RHBDD1: variants seen among roughly 807,000 people sequenced by gnomAD.
RHBDD1 encodes the protein rhomboid domain containing 1, also known as rhomboid-related protein 4.
In RHBDD1, 38 loss-of-function variants were observed where a neutral mutation model predicts 36.3. The observed-to-expected ratio is 1.05, with a 90% CI of 0.81 to 1.37. The LOEUF (loss-of-function observed/expected upper bound fraction) is 1.37, where lower values mean the gene tolerates loss of function less well. RHBDD1 is among the 40% of genes most tolerant of loss of function. The pLI, the probability that RHBDD1 is intolerant of heterozygous loss-of-function variation, is 0.00. For missense variants in RHBDD1, 393 were observed against 377.6 expected (o/e 1.04, Z -0.34); for synonymous variants, 151 against 136.5 (o/e 1.11, Z -0.74).
chr2:226,914,131 T>C (rs1948724260), intron 7 of RHBDD1, 77 bp from the exon 8 acceptor site: 2 of 1,326,722 alleles, frequency 1.5e-6, no homozygotes, highest in Admixed American at 2.0e-5. Context: ...TACTCGCTTG[T>C]CTTTGCTTAT....
At chr2:226,848,121 A>AT (rs540240936) in intron 3 of RHBDD1, among the ~76,000 whole-genome samples, 10 of 151,746 alleles carry the variant, frequency 6.6e-5, no homozygotes, top group Non-Finnish European at 1.0e-4. Flanking sequence ...TTTAAAACGG[A>AT]TTTTTTTTTA....
chr2:226,864,039 G>A (rs1392919723), intron 3 of RHBDD1, among the ~76,000 whole-genome samples: 3 of 152,158 alleles, frequency 2.0e-5, no homozygotes, highest in Admixed American at 6.5e-5. Context: ...GATTTGGCTT[G>A]TAGAGTAGGT....
Position 226,838,978 on chromosome 2 carries a change from A to T in RHBDD1, c.-309-431A>T, listed in dbSNP as rs151251219. On this transcript the variant is annotated intron_variant, in intron 2 of 8. Transcript: ENST00000392062. The stretch of plus-strand genomic sequence containing the variant: ...CTAGAGAAGGGGACACTGTTACAGG[A>T]AATGAGACCTCGTTGAAGGTATGCA... 2.2e-3 allele frequency among the ~76,000 whole-genome samples: 336 copies of T among 152,336 alleles called. 2 individuals are homozygous for T. Among genetic ancestry groups the T allele is most frequent in the African/African-American group, 7.6e-3 (314 of 41,582 alleles).
rs746795621 is a variant in RHBDD1 at position 226,864,848 on chromosome 2, C to A, written c.155C>A (p.Ser52Tyr). 1.6e-5 allele frequency: 26 copies of A among 1,614,122 alleles called. No homozygotes were observed. The highest frequency in any genetic ancestry group is 8.5e-7 in the Non-Finnish European group (1 of 1,180,052). Residue 52 changes from serine to tyrosine, a missense_variant, in exon 4 of 9, where the codon TCC (serine) becomes TAC (tyrosine). By Grantham distance (144) the Ser-to-Tyr change is moderately radical (BLOSUM62 -2). Transcript: ENST00000392062. ...AACCCTCAGAAGCCACTGTATAGCTCCTGCCTTAGTGTGGAGAAGTGTTAC... is the reference window on the plus strand; with the variant it reads ...AACCCTCAGAAGCCACTGTATAGCTACTGCCTTAGTGTGGAGAAGTGTTAC... Reference protein sequence around the residue: ...FLNPQKPLYSSCLSVEKCYQQ... With the variant: ...FLNPQKPLYSYCLSVEKCYQQ...
At chr2:226,909,761 G>T (rs970278616) in intron 7 of RHBDD1, among the ~76,000 whole-genome samples, 5 of 152,078 alleles carry the variant, frequency 3.3e-5, no homozygotes, top group Admixed American at 3.3e-4. Flanking sequence ...CACTGGCATC[G>T]CAAGCTTCCA....
rs1201335335 is a variant in RHBDD1, at chr2:226,836,104, G to A, written c.-392+17G>A. On this transcript the variant is annotated intron_variant, in intron 1 of 8. Coordinates refer to ENST00000392062, the MANE Select transcript of RHBDD1 (RefSeq NM_001167608.3). ...GTAGAGAGCGTGAGTTTCCGCGTCTGTTTGGTCCGGCTGCTGTCGTTGGTT... is the reference window on the plus strand; with the variant it reads ...GTAGAGAGCGTGAGTTTCCGCGTCTATTTGGTCCGGCTGCTGTCGTTGGTT... 1 of 152,790 alleles carries A rather than the reference G, an allele frequency of 6.5e-6. No homozygotes were observed. Among genetic ancestry groups the A allele is most frequent in the African/African-American group, 2.4e-5 (1 of 41,466 alleles). The allele number at this position is 152,790 out of a possible 1,614,324, so 9.5% of individuals were successfully genotyped here.
At chr2:226,887,127 G>A (rs1946291214) in intron 5 of RHBDD1, among the ~76,000 whole-genome samples, 1 of 152,074 alleles carries the variant, frequency 6.6e-6, no homozygotes, top group Admixed American at 6.5e-5. Flanking sequence ...GTATATTTTG[G>A]GAGAGAATAA....
At chr2:226,846,747 CAAAAAAAAAA>C (rs11366796) in intron 3 of RHBDD1, among the ~76,000 whole-genome samples, 1 of 70,114 alleles carries the variant, frequency 1.4e-5, no homozygotes, top group Non-Finnish European at 3.4e-5. Context: ...AATGCCATCT[CAAAAAAAAAA>C]AAAAAAAAGG....
chr2:226,858,633 A>G (rs1559201058), intron 3 of RHBDD1, among the ~76,000 whole-genome samples: 1 of 152,200 alleles, frequency 6.6e-6, no homozygotes, highest in African/African-American at 2.4e-5. Context: ...AGAATTGAAA[A>G]TCACTGAAAT....
At chr2:226,817,486 C>G in the RHBDD1 span, among the ~76,000 whole-genome samples, 2 of 152,146 alleles carry the variant, frequency 1.3e-5, no homozygotes, top group African/African-American at 4.8e-5. Context: ...AAGGCATTAG[C>G]TAAATGAAAA....
intron 5 of RHBDD1, chr2:226,895,694 A>G: frequency 1.0e-6 from 1 of 985,452 alleles, no homozygotes; most frequent in Non-Finnish European, 1.2e-6. Context: ...CAGATCCTAA[A>G]GAAGCTTAGT....
chr2:226,906,810 A>G lies in RHBDD1; in HGVS notation c.584A>G (p.His195Arg), dbSNP rs1425733405. Reference protein sequence around the residue: ...LFSPGTSFAGHLAGILVGLMY... With the variant: ...LFSPGTSFAGRLAGILVGLMY... ...CCTCCTAGGACTTCCTTCGCTGGGC[A>G]TCTGGCTGGGATTCTTGTTGGACTA... The change falls in exon 6 of 9, where the codon CAT becomes CGT. Residue 195 changes from histidine to arginine, a missense_variant. Transcript: ENST00000392062. 3.1e-6 allele frequency: 5 copies of G among 1,614,154 alleles called. No individual in the cohort carries two copies. Among genetic ancestry groups the G allele is most frequent in the South Asian group, 1.1e-5 (1 of 91,084 alleles).
At chr2:226,972,113 G>C (rs552995854) in intron 8 of RHBDD1, among the ~76,000 whole-genome samples, 3 of 152,052 alleles carry the variant, frequency 2.0e-5, no homozygotes, top group African/African-American at 7.2e-5. Context: ...GGTGTGTGCT[G>C]TTCCACTCCC....
rs1045200540 is a variant in RHBDD1, at chr2:226,836,098, G to C, written c.-392+11G>C. On this transcript the variant is annotated intron_variant, in intron 1 of 8. Transcript: ENST00000392062. ...CGGGTCGTAGAGAGCGTGAGTTTCC[G>C]CGTCTGTTTGGTCCGGCTGCTGTCG... The C allele has an allele frequency of 6.5e-6, 1 of 152,724 alleles. No individual in the cohort carries two copies. Among genetic ancestry groups the C allele is most frequent in the African/African-American group, 2.4e-5 (1 of 41,470 alleles). The allele number at this position is 152,724 out of a possible 1,614,324, so 9.5% of individuals were successfully genotyped here.
At chr2:226,968,886 C>T (rs1952904149) in intron 8 of RHBDD1, 1 of 152,236 alleles carries the variant, frequency 6.6e-6, no homozygotes, top group Non-Finnish European at 1.5e-5. Flanking sequence ...CAGTACTTGT[C>T]ATAACTGTCC....
chr2:226,907,923 G>A (rs1005879669), intron 6 of RHBDD1, among the ~76,000 whole-genome samples: 3 of 152,036 alleles, frequency 2.0e-5, no homozygotes, highest in South Asian at 2.1e-4. Flanking sequence ...GATGATTCTC[G>A]GGAGTTTAAT....
chr2:226,853,962 C>T (rs1345125705), intron 3 of RHBDD1, among the ~76,000 whole-genome samples: 1 of 148,178 alleles, frequency 6.7e-6, no homozygotes, highest in African/African-American at 2.6e-5. Flanking sequence ...ACCCGCTAAT[C>T]GATAAGGTGG....
chr2:226,932,786 G>A lies in RHBDD1; in HGVS notation c.856+18435G>A, dbSNP rs116753181. Among the ~76,000 whole-genome samples, 925 of 151,988 alleles carry A rather than the reference G, an allele frequency of 6.1e-3. 7 individuals carry two copies. The highest frequency in any genetic ancestry group is 0.021 in the African/African-American group (865 of 41,460). On this transcript the variant is annotated intron_variant, in intron 8 of 8. Coordinates refer to ENST00000392062, the MANE Select transcript of RHBDD1 (RefSeq NM_001167608.3). ...TTCTCAGTGTTCTTGCCCCTCCCCC[G>A]GATTTAGAGGGTATGTTTTATTTTT...
chr2:226,916,683 G>A (rs1243761144), intron 8 of RHBDD1, among the ~76,000 whole-genome samples: 1 of 152,140 alleles, frequency 6.6e-6, no homozygotes, highest in Non-Finnish European at 1.5e-5. Context: ...AAAGAGTGAT[G>A]GAAAATCAGG....
Sources: allele counts gnomAD v4.1 joint callset (sites outside exome capture counted in the v4.1 genomes callset), GRCh38; gene constraint gnomAD v4.1.1; transcripts MANE v1.5; gene names NCBI Gene and HGNC (gene_info 2026-07-23, HGNC 2026-07-21).